Variants in SMAD7 observed in about 807,000 individuals in gnomAD.
The protein encoded by SMAD7 is MAD (mothers against decapentaplegic, Drosophila) homolog 7.
A neutral mutation model predicts 38.7 loss-of-function variants in SMAD7; 8 were observed. The observed-to-expected ratio is 0.21, with a 90% CI of 0.12 to 0.37. The LOEUF (loss-of-function observed/expected upper bound fraction) is 0.37. Ranked by LOEUF, SMAD7 falls within the 10% of genes least tolerant of loss-of-function variation. The probability of loss-of-function intolerance (pLI) is 1.00; values close to 1 mark genes in which losing one functional copy is unlikely to be tolerated. For missense variants in SMAD7, 477 were observed against 577.9 expected (o/e 0.83, Z 1.79); for synonymous variants, 327 against 265.1 (o/e 1.23, Z -2.27).
chr18:48,949,729 C>CACACTCTCCCAGGAGGGTA, intron 1 of SMAD7, 83 bp downstream of exon 1: 2 of 1,436,042 alleles, frequency 1.4e-6, no homozygotes, highest in Non-Finnish European at 1.9e-6. Context: ...GGAGGGATGG[C>CACACTCTCCCAGGAGGGTA]TGCACAAACG....
chr18:48,949,726 T>G (rs531593379), intron 1 of SMAD7, 86 bp downstream of exon 1: 8 of 1,415,988 alleles, frequency 5.6e-6, no homozygotes, highest in South Asian at 1.4e-5. Context: ...CCTGGAGGGA[T>G]GGCTGCACAA....
chr18:48,936,751 C>G (rs1372838069), intron 3 of SMAD7, among the ~76,000 whole-genome samples: 1 of 152,090 alleles, frequency 6.6e-6, no homozygotes, highest in East Asian at 1.9e-4. Flanking sequence ...CATCATAATT[C>G]TGCAAGGAAT....
At chr18:48,937,251 GCTAAGTAAAGGCA>G (rs1210449686) in intron 3 of SMAD7, among the ~76,000 whole-genome samples, 8 of 140,620 alleles carry the variant, frequency 5.7e-5, no homozygotes, top group Non-Finnish European at 1.2e-4. Flanking sequence ...GTCAGGCTTT[GCTAAGTAAAGGCA>G]TGTGTGTGTG....
At chr18:48,948,577 G>A in intron 1 of SMAD7, 140 bp from the exon 2 acceptor site, 1 of 556,926 alleles carries the variant, frequency 1.8e-6, no homozygotes, top group Non-Finnish European at 3.2e-6. Flanking sequence ...GGCGGTGATT[G>A]CCTTGATATT....
intron 1 of SMAD7, 97 bp downstream of exon 1, chr18:48,949,715 C>G: frequency 1.5e-6 from 2 of 1,354,036 alleles, no homozygotes; most frequent in Non-Finnish European, 2.0e-6. Flanking sequence ...TGCACACTCC[C>G]CCTGGAGGGA....
At chr18:48,937,491 T>C (rs775082750) in intron 3 of SMAD7, among the ~76,000 whole-genome samples, 1 of 152,160 alleles carries the variant, frequency 6.6e-6, no homozygotes, top group Non-Finnish European at 1.5e-5. Context: ...AGATTTTAAA[T>C]GCTGTCACCC....
intron 3 of SMAD7, among the ~76,000 whole-genome samples, chr18:48,939,047 C>A (rs773827009): frequency 1.3e-5 from 2 of 152,148 alleles, no homozygotes; most frequent in African/African-American, 2.4e-5. Flanking sequence ...CCCACCCCAG[C>A]GACAGGGACC....
chr18:48,937,578 G>C (rs763536448), intron 3 of SMAD7, among the ~76,000 whole-genome samples: 13 of 152,312 alleles, frequency 8.5e-5, no homozygotes, highest in Non-Finnish European at 1.8e-4. Context: ...TCTCCAGGGG[G>C]AAGTGCATGA....
chr18:48,936,550 C>T (rs1232832240), intron 3 of SMAD7, among the ~76,000 whole-genome samples: 1 of 152,220 alleles, frequency 6.6e-6, no homozygotes, highest in Non-Finnish European at 1.5e-5. Flanking sequence ...TAATAGTTTT[C>T]TCTCAAATGT....
intron 2 of SMAD7, 90 bp downstream of exon 2, chr18:48,948,294 C>A: frequency 1.2e-6 from 1 of 839,986 alleles, no homozygotes; most frequent in South Asian, 1.7e-5. Context: ...AGCACCTCCC[C>A]AAGCCTTTGC....
rs542401055 is a variant in SMAD7 at position 48,937,729 on chromosome 18, G to A, written c.742+4752C>T. ...GGCAGAAGGTGTCCCCTGAGTTCTAGGCCGTCATTTCTCACAGTGGCCTGC... is the reference window on the plus strand; with the variant it reads ...GGCAGAAGGTGTCCCCTGAGTTCTAAGCCGTCATTTCTCACAGTGGCCTGC... On this transcript the variant is annotated intron_variant, in intron 3 of 3. Coordinates refer to ENST00000262158, the MANE Select transcript of SMAD7 (RefSeq NM_005904.4). 2.7e-4 allele frequency among the ~76,000 whole-genome samples: 41 copies of A among 152,302 alleles called. No homozygotes were observed. In the South Asian group the frequency reaches 3.5e-3, roughly 13 times the overall value.
At chr18:48,931,122 T>C (rs1239013295) in intron 3 of SMAD7, among the ~76,000 whole-genome samples, 1 of 151,984 alleles carries the variant, frequency 6.6e-6, no homozygotes, top group Non-Finnish European at 1.5e-5. Context: ...AGGAGGCAAA[T>C]TCATAGACAG....
intron 3 of SMAD7, among the ~76,000 whole-genome samples, chr18:48,927,243 C>T (rs2069939380): frequency 6.6e-6 from 1 of 152,182 alleles, no homozygotes; most frequent in Admixed American, 6.5e-5. Context: ...TCCACCACCC[C>T]ATGCTCTCTC....
At chr18:48,943,173 G>A (rs1181492899) in intron 2 of SMAD7, among the ~76,000 whole-genome samples, 2 of 152,082 alleles carry the variant, frequency 1.3e-5, no homozygotes, top group African/African-American at 4.8e-5. Context: ...TCTCAGCAAG[G>A]CTCCGAGCCG....
intron 3 of SMAD7, among the ~76,000 whole-genome samples, chr18:48,941,441 T>C (rs1471688693): frequency 1.3e-5 from 2 of 152,150 alleles, no homozygotes; most frequent in Non-Finnish European, 2.9e-5. Flanking sequence ...GAACTTTGCC[T>C]GAGCCAGCCA....
rs1282516199 is a variant in SMAD7, at chr18:48,950,113, C to T, written c.312G>A (p.Lys104=). ...GGAGCAGCAGCTCCAGCTGCCGCTC[C>T]TTCAGTTTCTTGAGCACCGAGTGCG... ...ALTHSVLKKL[K]ERQLELLLQA... is the part of the protein sequence containing the mutation. The change falls in exon 1 of 4, where the codon AAG becomes AAA. Residue 104 remains lysine (K), a synonymous_variant. Transcript: ENST00000262158. 1 of 1,488,528 alleles carries T rather than the reference C, an allele frequency of 6.7e-7. No individual in the cohort carries two copies. The highest frequency in any genetic ancestry group is 2.9e-5 in the East Asian group (1 of 33,936). 92.2% of individuals were successfully genotyped at this position (1,488,528 alleles called of 1,614,324 possible). A position where few individuals can be genotyped will look rare whatever the true frequency, so the allele number is the denominator to read the frequency against.
At chr18:48,931,888 G>A (rs1229069415) in intron 3 of SMAD7, among the ~76,000 whole-genome samples, 3 of 152,210 alleles carry the variant, frequency 2.0e-5, no homozygotes, top group Admixed American at 6.5e-5. Context: ...CCCCTCCTGG[G>A]ACTAGGGCAT....
intron 1 of SMAD7, among the ~76,000 whole-genome samples, chr18:48,949,061 C>A (rs2070230776): frequency 6.6e-6 from 1 of 152,214 alleles, no homozygotes. Flanking sequence ...GCCGAGAAGC[C>A]CAGGCCCCAG....
chr18:48,929,717 G>C (rs1216555649), intron 3 of SMAD7, among the ~76,000 whole-genome samples: 2 of 151,972 alleles, frequency 1.3e-5, no homozygotes, highest in African/African-American at 4.8e-5. Context: ...TGGTGGGGGG[G>C]CTCTGTGTGT....
Sources: gnomAD v4.1 joint callset for allele counts (sites outside exome capture counted in the v4.1 genomes callset) on GRCh38, gnomAD v4.1.1 for gene constraint, MANE v1.5 for transcripts, NCBI Gene and HGNC (gene_info 2026-07-23, HGNC 2026-07-21) for gene names.